Variants in PTPRN2 observed in about 807,000 individuals in gnomAD.
PTPRN2 encodes the protein receptor-type tyrosine-protein phosphatase N2.
Under a neutral mutation model 118.8 loss-of-function variants are expected in PTPRN2, and 74 were observed. The observed-to-expected ratio is 0.62, with a 90% CI of 0.52 to 0.76. PTPRN2 has a LOEUF of 0.76. Ranked by LOEUF, PTPRN2 falls within the 30% of genes least tolerant of loss-of-function variation. The pLI is 0.00. For synonymous variants in PTPRN2, 641 were observed against 608.0 expected (o/e 1.05, Z -0.80); for missense variants, 1,481 against 1,394.4 (o/e 1.06, Z -0.99).
chr7:157,905,970 G>A (rs149402310), intron 11 of PTPRN2, among the ~76,000 whole-genome samples: 6 of 152,272 alleles, frequency 3.9e-5, no homozygotes, highest in East Asian at 1.9e-4. Flanking sequence ...CACAGCCACC[G>A]TAAACAAGCT....
chr7:157,867,536 C>T (rs1466659677), intron 12 of PTPRN2, among the ~76,000 whole-genome samples: 5 of 142,712 alleles, frequency 3.5e-5, no homozygotes, highest in African/African-American at 5.4e-5. Context: ...CCGCCCCTGA[C>T]GCTCTGGATA....
At chr7:158,057,826 C>G (rs1217266580) in intron 11 of PTPRN2, among the ~76,000 whole-genome samples, 2 of 152,208 alleles carry the variant, frequency 1.3e-5, no homozygotes, top group Non-Finnish European at 2.9e-5. Flanking sequence ...GCAGCCAGAC[C>G]ACACCTGGAA....
At chr7:157,565,501 C>T (rs1017898009) in intron 21 of PTPRN2, among the ~76,000 whole-genome samples, 1 of 152,222 alleles carries the variant, frequency 6.6e-6, no homozygotes, top group Admixed American at 6.5e-5. Flanking sequence ...CAGGCACCCT[C>T]TTCCGGCCCA....
At position 158,391,274 on chromosome 7, in the gene PTPRN2, C is replaced by T. The variant is rs541482712; in HGVS notation, c.164-74342G>A. 2.0e-5 allele frequency among the ~76,000 whole-genome samples: 3 copies of T among 152,318 alleles called. No homozygotes were observed. The South Asian group carries it at 6.2e-4, about 32-fold the overall frequency. On this transcript the variant is annotated intron_variant, in intron 2 of 22. Transcript: ENST00000389418. ...TGGCCGAGGAGAAAGGGGCTGTGAGCCCACGCCATCCCTCCAAGCCTGGAA... is the reference window on the plus strand; with the variant it reads ...TGGCCGAGGAGAAAGGGGCTGTGAGTCCACGCCATCCCTCCAAGCCTGGAA...
intron 5 of PTPRN2, 31 bp downstream of exon 5, chr7:158,192,296 C>A: frequency 6.9e-7 from 1 of 1,443,430 alleles, no homozygotes; most frequent in Non-Finnish European, 9.1e-7. Context: ...GAAAAGCCAA[C>A]CCCGGCCCGG....
chr7:158,258,865 G>T (rs918215554), intron 3 of PTPRN2, among the ~76,000 whole-genome samples: 3 of 152,202 alleles, frequency 2.0e-5, no homozygotes, highest in Non-Finnish European at 4.4e-5. Flanking sequence ...CTGCAGCCAC[G>T]CGAGGTCTGT....
At chr7:157,670,796 G>C (rs1796371620) in intron 13 of PTPRN2, among the ~76,000 whole-genome samples, 1 of 152,234 alleles carries the variant, frequency 6.6e-6, no homozygotes, top group Non-Finnish European at 1.5e-5. Context: ...CCCACAGGCT[G>C]AACCTTGCTT....
At chr7:157,936,374 C>T (rs1799698984) in intron 11 of PTPRN2, among the ~76,000 whole-genome samples, 1 of 152,194 alleles carries the variant, frequency 6.6e-6, no homozygotes, top group African/African-American at 2.4e-5. Context: ...CTCTACTGGG[C>T]TCATTCCTCC....
At chr7:157,873,534 A>G (rs1449662775) in intron 12 of PTPRN2, among the ~76,000 whole-genome samples, 2 of 147,238 alleles carry the variant, frequency 1.4e-5, no homozygotes, top group Admixed American at 1.3e-4. Context: ...TACTGTCCTC[A>G]AGGTCTGTCT....
intron 12 of PTPRN2, among the ~76,000 whole-genome samples, chr7:157,857,111 G>A (rs1174645967): frequency 6.6e-6 from 1 of 151,046 alleles, no homozygotes; most frequent in Non-Finnish European, 1.5e-5. Context: ...GGCATTGCTG[G>A]TGGAGCTGGG....
At chr7:158,580,294 G>A (rs1203093031) in intron 1 of PTPRN2, among the ~76,000 whole-genome samples, 1 of 152,210 alleles carries the variant, frequency 6.6e-6, no homozygotes, top group East Asian at 1.9e-4. Flanking sequence ...TTTATTAGCG[G>A]CTCCATCCAT....
chr7:157,624,245 A>G (rs1018825930), intron 14 of PTPRN2, among the ~76,000 whole-genome samples: 1 of 152,118 alleles, frequency 6.6e-6, no homozygotes, highest in African/African-American at 2.4e-5. Context: ...ACATGGTGAA[A>G]CCTTGTCTCT....
chr7:158,498,579 T>C (rs1360111005), intron 1 of PTPRN2, among the ~76,000 whole-genome samples: 1 of 152,248 alleles, frequency 6.6e-6, no homozygotes, highest in Non-Finnish European at 1.5e-5. Context: ...GCTCTGGTTT[T>C]TTGTCCTCGA....
chr7:158,192,532 T>C, intron 4 of PTPRN2, 37 bp from the exon 5 acceptor site: 1 of 1,556,354 alleles, frequency 6.4e-7, no homozygotes, highest in Non-Finnish European at 8.6e-7. Flanking sequence ...CAACCGCATG[T>C]TTGCTGGTGC....
chr7:158,433,998 AT>A (rs142175210), intron 2 of PTPRN2, among the ~76,000 whole-genome samples: 16 of 151,290 alleles, frequency 1.1e-4, no homozygotes, highest in East Asian at 3.9e-4. Flanking sequence ...TTTTCTAGGG[AT>A]TTTTTTTTCC....
intron 11 of PTPRN2, among the ~76,000 whole-genome samples, chr7:158,074,163 ACACCGTCAG>A (rs1371784802): frequency 6.6e-6 from 1 of 152,162 alleles, no homozygotes; most frequent in Non-Finnish European, 1.5e-5. Flanking sequence ...CATGACCGTC[ACACCGTCAG>A]CAAAACCCCC....
intron 2 of PTPRN2, among the ~76,000 whole-genome samples, chr7:158,459,363 C>A (rs1733159): frequency 0.5 from 55,200 of 109,652 alleles, 13,697 homozygotes; most frequent in Non-Finnish European, 0.52. Context: ...AATCCAGAGG[C>A]CCCGCTTGGG....
chr7:158,053,914 T>TGCAGAGACTCCAGAGAC (rs1563366200), intron 11 of PTPRN2, among the ~76,000 whole-genome samples: 5 of 134,958 alleles, frequency 3.7e-5, no homozygotes, highest in Non-Finnish European at 3.1e-5. Context: ...ACCCCAGAGA[T>TGCAGAGACTCCAGAGAC]GCAGAGACTC....
chr7:157,921,220 C>G (rs910427438), intron 11 of PTPRN2, among the ~76,000 whole-genome samples: 6 of 152,278 alleles, frequency 3.9e-5, no homozygotes, highest in African/African-American at 1.4e-4. Context: ...TGAAAGAAGC[C>G]ATCCTGGAAA....
Sources: gnomAD v4.1 joint callset for allele counts (sites outside exome capture counted in the v4.1 genomes callset) on GRCh38, gnomAD v4.1.1 for gene constraint, MANE v1.5 for transcripts, NCBI Gene and HGNC (gene_info 2026-07-23, HGNC 2026-07-21) for gene names.